Variants in FRMPD2 observed in about 807,000 individuals in gnomAD.
FRMPD2 encodes the protein FERM and PDZ domain-containing protein 2.
Under a neutral mutation model 140.1 loss-of-function variants are expected in FRMPD2, and 96 were observed. That is an observed-to-expected ratio of 0.69 (90% CI 0.58 to 0.81). The LOEUF (loss-of-function observed/expected upper bound fraction) is 0.81, where lower values mean the gene tolerates loss of function less well. FRMPD2 is among the 40% of genes least tolerant of loss of function. The probability of loss-of-function intolerance (pLI) is 0.00; values close to 1 mark genes in which losing one functional copy is unlikely to be tolerated. For missense variants in FRMPD2, 1,240 were observed against 1,447.4 expected, an observed-to-expected ratio of 0.86 and a Z score of 2.32; for synonymous variants, 449 against 547.6, an observed-to-expected ratio of 0.82 and a Z score of 2.52.
chr10:48,210,747 C>T (rs906913855), intron 13 of FRMPD2, among the ~76,000 whole-genome samples: 10 of 152,234 alleles, frequency 6.6e-5, no homozygotes, highest in African/African-American at 1.9e-4. Flanking sequence ...ATGTTAGATA[C>T]AGGGATAGTT....
intron 2 of FRMPD2, among the ~76,000 whole-genome samples, chr10:48,250,462 G>A (rs1012964093): frequency 2.0e-5 from 3 of 151,772 alleles, no homozygotes; most frequent in South Asian, 2.1e-4. Context: ...GTGCAATAGC[G>A]CGATCTCAGC....
intron 1 of FRMPD2, among the ~76,000 whole-genome samples, chr10:48,259,988 T>C (rs967996517): frequency 3.9e-5 from 6 of 152,100 alleles, no homozygotes; most frequent in Non-Finnish European, 8.8e-5. Flanking sequence ...GATGTATAGA[T>C]ATAGATATAG....
chr10:48,240,316 G>T (rs780703469), intron 6 of FRMPD2, 44 bp downstream of exon 6: 4 of 1,593,068 alleles, frequency 2.5e-6, no homozygotes, highest in South Asian at 1.1e-5. Flanking sequence ...AAATAGAATG[G>T]GTACCATCAG....
intron 4 of FRMPD2, among the ~76,000 whole-genome samples, chr10:48,244,545 T>C (rs1429895086): frequency 2.0e-5 from 3 of 152,220 alleles, no homozygotes; most frequent in African/African-American, 7.2e-5. Context: ...GCCAAACTTA[T>C]CCTGCTTGCC....
chr10:48,264,103 A>C (rs1303215377), intron 1 of FRMPD2, among the ~76,000 whole-genome samples: 2 of 151,650 alleles, frequency 1.3e-5, no homozygotes, highest in African/African-American at 2.4e-5. Flanking sequence ...ATGATTAAAA[A>C]CTCTCTGTTA....
At position 48,201,239 on chromosome 10, in the gene FRMPD2, T is replaced by C; in HGVS notation, c.1943A>G (p.His648Arg). The change falls in exon 15 of 29, where the codon CAT (histidine) becomes CGT (arginine). Residue 648 changes from histidine (H) to arginine (R), a missense_variant. Physicochemically the swap from His to Arg is conservative, Grantham distance 29. This residue lies in a region of FRMPD2 where 1,161 missense variants were observed against 1,055.9 expected (regional missense o/e 1.10). Coordinates refer to ENST00000374201, the MANE Select transcript of FRMPD2 (RefSeq NM_001018071.4). ...NAQMGSGQPSHVLFDHDKFVQ... is the reference protein window; with the variant it reads ...NAQMGSGQPSRVLFDHDKFVQ... ...CAGCTTCTACTCACCAAATAAAACA[T>C]GGGAAGGCTGCCCAGAGCCCATCTG... 1 of 1,606,120 alleles carries C rather than the reference T, an allele frequency of 6.2e-7. No homozygotes were observed. The highest frequency in any genetic ancestry group is 2.2e-5 in the East Asian group (1 of 44,674).
Position 48,251,553 on chromosome 10 carries a change from A to C in FRMPD2, c.151+13T>G. 6.2e-7 allele frequency: 1 copy of C among 1,612,310 alleles called. No individual in the cohort carries two copies. Among genetic ancestry groups the C allele is most frequent in the Non-Finnish European group, 8.5e-7 (1 of 1,179,736 alleles). On this transcript the variant is annotated intron_variant, in intron 2 of 28. Coordinates refer to ENST00000374201, the MANE Select transcript of FRMPD2 (RefSeq NM_001018071.4). Reference sequence around the variant, plus strand: ...ACTCCCTGTGATTTGACTGCCCCCAAACACTCTCTTACCGTTGCGGAGGTC... The same window carrying C: ...ACTCCCTGTGATTTGACTGCCCCCACACACTCTCTTACCGTTGCGGAGGTC...
Position 48,232,146 on chromosome 10 carries a change from T to A in FRMPD2, c.1137A>T (p.Glu379Asp). 1 of 1,614,156 alleles carries A rather than the reference T, an allele frequency of 6.2e-7. No individual in the cohort carries two copies. ...NAVTSFANLE[E>D]LTYFGLAYMK... Reference sequence around the variant, plus strand: ...TATACGCCAAGCCAAAGTAGGTGAGTTCCTCGAGGTTGGCAAAGGATGTCA... The same window carrying A: ...TATACGCCAAGCCAAAGTAGGTGAGATCCTCGAGGTTGGCAAAGGATGTCA... The change falls in exon 10 of 29, where the codon GAA becomes GAT. Residue 379 changes from glutamate (E) to aspartate (D), a missense_variant. Around this residue, in one of 6 missense-constraint regions of FRMPD2, gnomAD observed 1,161 missense variants for 1,055.9 expected, o/e 1.10. Transcript: ENST00000374201.
chr10:48,206,778 C>G lies in FRMPD2; in HGVS notation c.1767G>C (p.Gln589His). The change falls in exon 14 of 29, where the codon CAG becomes CAC. Residue 589 changes from glutamine to histidine, a missense_variant. Physicochemically the swap from Gln to His is conservative, Grantham distance 24. Around this residue, in one of 6 missense-constraint regions of FRMPD2, gnomAD observed 1,161 missense variants for 1,055.9 expected, o/e 1.10. Transcript: ENST00000374201. Reference protein sequence around the residue: ...NNSRIAMLRFQWRETGKISTY... With the variant: ...NNSRIAMLRFHWRETGKISTY... ...TAGAAATCTTCCCGGTTTCTCTCCA[C>G]TGAAACCGTAACATTGCAATTCTGC... 6.2e-7 allele frequency: 1 copy of G among 1,614,014 alleles called. No individual in the cohort carries two copies. The highest frequency in any genetic ancestry group is 8.5e-7 in the Non-Finnish European group (1 of 1,179,860).
At chr10:48,238,736 G>C (rs1002703611) in intron 7 of FRMPD2, among the ~76,000 whole-genome samples, 14 of 152,140 alleles carry the variant, frequency 9.2e-5, no homozygotes, top group African/African-American at 3.4e-4. Context: ...GAAGATATGA[G>C]CCCATCTAGG....
At chr10:48,203,760 G>T (rs1410603154) in intron 14 of FRMPD2, among the ~76,000 whole-genome samples, 2 of 152,080 alleles carry the variant, frequency 1.3e-5, no homozygotes, top group Non-Finnish European at 2.9e-5. Context: ...CTAACTTCCT[G>T]GGAGGAGCCC....
chr10:48,245,469 AT>A (rs1435214454), intron 3 of FRMPD2, among the ~76,000 whole-genome samples: 1 of 152,252 alleles, frequency 6.6e-6, no homozygotes, highest in Non-Finnish European at 1.5e-5. Context: ...TGGGAAGAGC[AT>A]TGTTTGACAT....
intron 10 of FRMPD2, among the ~76,000 whole-genome samples, chr10:48,227,052 A>G (rs1479145488): frequency 6.6e-6 from 1 of 152,178 alleles, no homozygotes; most frequent in Non-Finnish European, 1.5e-5. Context: ...GATTCTTTCC[A>G]AAGCCAGCTT....
Position 48,239,637 on chromosome 10 carries a change from C to T in FRMPD2, c.756G>A (p.Leu252=), listed in dbSNP as rs1840054996. ...QSSPEPHWST[L]THSHCSLLVN... ...CAAGGAGGCTGCAGTGACTGTGTGT[C>T]AAGGTGCTCCAATGGGGCTCTGGTG... The change falls in exon 7 of 29, where the codon TTG becomes TTA. Residue 252 remains leucine, a synonymous_variant. Transcript: ENST00000374201. The T allele has an allele frequency of 6.2e-7, 1 of 1,614,154 alleles. No homozygotes were observed. Among genetic ancestry groups the T allele is most frequent in the Non-Finnish European group, 8.5e-7 (1 of 1,180,008 alleles).
At chr10:48,175,504 G>A (rs1393163739) in intron 23 of FRMPD2, among the ~76,000 whole-genome samples, 34 of 151,712 alleles carry the variant, frequency 2.2e-4, no homozygotes, top group African/African-American at 6.3e-4. Context: ...TGTCCTCCCC[G>A]GATGTGCGAG....
At chr10:48,187,825 A>G (rs1274032994) in intron 16 of FRMPD2, among the ~76,000 whole-genome samples, 1 of 152,168 alleles carries the variant, frequency 6.6e-6, no homozygotes, top group Non-Finnish European at 1.5e-5. Flanking sequence ...TGATCATTGT[A>G]CATGTTGTGT....
chr10:48,171,610 T>G (rs1588802622), intron 25 of FRMPD2, among the ~76,000 whole-genome samples: 1 of 152,290 alleles, frequency 6.6e-6, no homozygotes, highest in African/African-American at 2.4e-5. Context: ...AACGAGATAT[T>G]TTTTATTCTT....
intron 5 of FRMPD2, chr10:48,241,955 G>A (rs1204420358): frequency 7.7e-6 from 3 of 388,328 alleles, no homozygotes; most frequent in Admixed American, 3.9e-5. Flanking sequence ...CAATAGAACT[G>A]CAATGACAAG....
At chr10:48,181,650 C>A (rs1554792688) in intron 20 of FRMPD2, among the ~76,000 whole-genome samples, 1 of 151,782 alleles carries the variant, frequency 6.6e-6, no homozygotes, top group Non-Finnish European at 1.5e-5. Flanking sequence ...AAGAAAAGAA[C>A]GTGAGGTTGT....
Sources: gnomAD v4.1 joint callset for allele counts (sites outside exome capture counted in the v4.1 genomes callset) on GRCh38, gnomAD v4.1.1 for gene constraint, gnomAD v4.1.1 regional missense constraint, MANE v1.5 for transcripts, NCBI Gene and HGNC (gene_info 2026-07-23, HGNC 2026-07-21) for gene names.